Variants in FREM1 observed in about 807,000 individuals in gnomAD.
FREM1 encodes FRAS1-related extracellular matrix protein 1.
FREM1 carries 220 observed loss-of-function variants against 210.1 expected under a neutral mutation model. That is an observed-to-expected ratio of 1.05 (90% CI 0.94 to 1.17). FREM1 has a LOEUF of 1.17. Ranked by LOEUF, FREM1 falls within the 50% of genes most tolerant of loss-of-function variation. The probability of loss-of-function intolerance (pLI) is 0.00; values close to 1 mark genes in which losing one functional copy is unlikely to be tolerated. For missense variants in FREM1, 3,454 were observed against 2,675.5 expected (o/e 1.29, Z -6.42); for synonymous variants, 1,189 against 980.2 (o/e 1.21, Z -3.98).
In FREM1 at chr9:14,787,227, A is replaced by G. The variant is rs145721589; in HGVS notation, c.4177+1692T>C. ...TAGAGATAAACAATTATGGCTACAA[A>G]GTTATGCAGCAACCTGAAAAAACTC... is the stretch of plus-strand genomic sequence containing the variant. On this transcript the variant is annotated intron_variant, in intron 23 of 36. Transcript: ENST00000380880. Among the ~76,000 whole-genome samples the G allele has an allele frequency of 1.9e-4, 29 of 152,274 alleles. No individual in the cohort carries two copies. In the East Asian group the frequency reaches 5.6e-3, roughly 29 times the overall value.
At position 14,836,065 on chromosome 9, in the gene FREM1, T is replaced by A. The variant is rs1824537088; in HGVS notation, c.1881+5382A>T. Reference sequence around the variant, plus strand: ...CTTCTGCCGGGTAATGAAAAGTGAGTAAGGTGCCCATAACTCTGAGCTTTC... The same window carrying A: ...CTTCTGCCGGGTAATGAAAAGTGAGAAAGGTGCCCATAACTCTGAGCTTTC... On this transcript the variant is annotated intron_variant, in intron 10 of 36. Coordinates refer to ENST00000380880, the MANE Select transcript of FREM1 (RefSeq NM_001379081.2). The surrounding 1 kb of genome is among the most constrained non-coding windows in gnomAD (Gnocchi z 4.9). 6.6e-6 allele frequency among the ~76,000 whole-genome samples: 1 copy of A among 152,254 alleles called. No homozygotes were observed. The highest frequency in any genetic ancestry group is 2.1e-4 in the South Asian group (1 of 4,808).
chr9:14,819,957 G>C (rs183385103), intron 13 of FREM1, among the ~76,000 whole-genome samples: 44 of 152,342 alleles, frequency 2.9e-4, no homozygotes, highest in African/African-American at 1.1e-3. Flanking sequence ...AGAAATGGAA[G>C]TAGTGTGGCA....
At chr9:14,772,387 G>A (rs866478835) in intron 25 of FREM1, among the ~76,000 whole-genome samples, 7 of 152,046 alleles carry the variant, frequency 4.6e-5, no homozygotes, top group East Asian at 1.9e-4. Context: ...AATATGATTA[G>A]TTATCAAGAA....
chr9:14,879,874 C>A (rs184112348), intron 1 of FREM1, among the ~76,000 whole-genome samples: 2 of 152,040 alleles, frequency 1.3e-5, no homozygotes, highest in African/African-American at 2.4e-5. Flanking sequence ...TTGGTAGGTA[C>A]AATATGATAG....
chr9:14,778,251 T>A (rs1300103383), intron 24 of FREM1, among the ~76,000 whole-genome samples: 1 of 152,010 alleles, frequency 6.6e-6, no homozygotes, highest in Non-Finnish European at 1.5e-5. Context: ...ATAAGTATAT[T>A]TTTAACAAAT....
chr9:14,848,832 T>C (rs1827152498), intron 6 of FREM1, 59 bp from the exon 7 acceptor site: 1 of 1,063,514 alleles, frequency 9.4e-7, no homozygotes, highest in Non-Finnish European at 1.5e-6. Flanking sequence ...TAAAGTAGCA[T>C]TAATTCTGGG....
intron 19 of FREM1, among the ~76,000 whole-genome samples, chr9:14,802,571 T>C (rs1817487479): frequency 6.6e-6 from 1 of 152,220 alleles, no homozygotes; most frequent in Non-Finnish European, 1.5e-5. Flanking sequence ...ACAAAGACAA[T>C]TAAATGTTTA....
chr9:14,743,191 G>A (rs1325763424), intron 35 of FREM1, among the ~76,000 whole-genome samples: 2 of 152,128 alleles, frequency 1.3e-5, no homozygotes, highest in Non-Finnish European at 2.9e-5. Flanking sequence ...CTTAGATTAA[G>A]TGCATGAGAA....
chr9:14,863,261 A>C (rs146024569), intron 3 of FREM1, among the ~76,000 whole-genome samples: 32 of 151,486 alleles, frequency 2.1e-4, no homozygotes, highest in African/African-American at 6.8e-4. Flanking sequence ...GAATAGCTTG[A>C]ACCTGGGAGA....
intron 3 of FREM1, among the ~76,000 whole-genome samples, chr9:14,861,060 T>A (rs866014838): frequency 9.9e-5 from 7 of 70,968 alleles, no homozygotes; most frequent in South Asian, 3.8e-4. Context: ...TATACATATA[T>A]ACACATATAC....
At chr9:14,825,137 A>C (rs1444294068) in intron 10 of FREM1, 145 bp from the exon 11 acceptor site, 1 of 576,042 alleles carries the variant, frequency 1.7e-6, no homozygotes, top group East Asian at 3.1e-5. Context: ...GGAGCTATTA[A>C]GAATATGAGC....
At chr9:14,773,924 A>G in intron 25 of FREM1, 1 of 375,434 alleles carries the variant, frequency 2.7e-6, no homozygotes, top group Non-Finnish European at 5.1e-6. Flanking sequence ...GTTGGACAGT[A>G]CAGAGACTGG....
intron 5 of FREM1, among the ~76,000 whole-genome samples, chr9:14,851,912 C>T (rs1281918923): frequency 6.6e-6 from 1 of 152,222 alleles, no homozygotes; most frequent in Non-Finnish European, 1.5e-5. Flanking sequence ...TCAGAAGGAA[C>T]TGTGTTTATC....
At chr9:14,771,330 C>G (rs545563582) in intron 25 of FREM1, among the ~76,000 whole-genome samples, 1 of 151,840 alleles carries the variant, frequency 6.6e-6, no homozygotes, top group South Asian at 2.1e-4. Flanking sequence ...TTTCAACTGG[C>G]AAAAATGTTG....
At chr9:14,822,158 G>T (rs1024769037) in intron 13 of FREM1, among the ~76,000 whole-genome samples, 1 of 152,148 alleles carries the variant, frequency 6.6e-6, no homozygotes, top group Non-Finnish European at 1.5e-5. Context: ...CTTCTGCCAT[G>T]GTTGTGAGGC....
rs369309203 is a variant in FREM1, at chr9:14,769,726, T to G, written c.5202A>C (p.Gln1734His). The change falls in exon 27 of 37, where the codon CAA becomes CAC. Residue 1734 changes from glutamine (Q) to histidine (H), a missense_variant and splice_region_variant. Gln to His is a conservative substitution (Grantham distance 24). Transcript: ENST00000380880. ...MDPTGNSATP[Q>H]ILELKWSHIE... ...ACTGAATAAGCAAGAGAATTTACAT[T>G]TGAGGAGTGGCCGAGTTCCCTGTGG... 3 of 1,612,016 alleles carry G rather than the reference T, an allele frequency of 1.9e-6. No individual in the cohort carries two copies. Among genetic ancestry groups the G allele is most frequent in the Non-Finnish European group, 2.5e-6 (3 of 1,178,854 alleles).
intron 6 of FREM1, 83 bp from the exon 7 acceptor site, chr9:14,848,856 C>T (rs2131343895): frequency 2.8e-6 from 2 of 710,898 alleles, no homozygotes; most frequent in Middle Eastern, 3.7e-4. Context: ...TACCCACACA[C>T]AGTGGATTCA....
At chr9:14,820,691 C>A (rs1235155165) in intron 13 of FREM1, among the ~76,000 whole-genome samples, 1 of 152,174 alleles carries the variant, frequency 6.6e-6, no homozygotes, top group Non-Finnish European at 1.5e-5. Context: ...ATTCTGAGAC[C>A]ACTGCCTTCT....
chr9:14,801,608 T>C, intron 20 of FREM1, 44 bp downstream of exon 20: 1 of 1,330,748 alleles, frequency 7.5e-7, no homozygotes, highest in South Asian at 1.2e-5. Context: ...GGTTAAATTA[T>C]TCAATCAACA....
Sources: gnomAD v4.1 joint callset for allele counts (sites outside exome capture counted in the v4.1 genomes callset) on GRCh38, gnomAD v4.1.1 for gene constraint, Gnocchi (gnomAD v3.1) non-coding constraint, MANE v1.5 for transcripts, NCBI Gene and HGNC (gene_info 2026-07-23, HGNC 2026-07-21) for gene names.